ZNF385D: variants seen among roughly 807,000 people sequenced by gnomAD.
ZNF385D encodes zinc finger protein 385D.
ZNF385D carries 15 observed loss-of-function variants against 35.8 expected under a neutral mutation model. The observed-to-expected ratio is 0.42, with a 90% CI of 0.28 to 0.64. The LOEUF is 0.64. Ranked by LOEUF, ZNF385D falls within the 30% of genes least tolerant of loss-of-function variation. ZNF385D has a pLI of 0.23. For synonymous variants in ZNF385D, 212 were observed against 186.8 expected, an observed-to-expected ratio of 1.13 and a Z score of -1.10; for missense variants, 474 against 494.6, an observed-to-expected ratio of 0.96 and a Z score of 0.39.
intron 2 of ZNF385D, among the ~76,000 whole-genome samples, chr3:22,313,410 A>T (rs544737530): frequency 2.3e-3 from 345 of 152,256 alleles, no homozygotes; most frequent in South Asian, 9.3e-3. Flanking sequence ...AATAAAATTT[A>T]AAAAAAGATG....
chr3:21,813,665 A>G (rs2073028992), intron 3 of ZNF385D, among the ~76,000 whole-genome samples: 1 of 151,914 alleles, frequency 6.6e-6, no homozygotes, highest in Non-Finnish European at 1.5e-5. Flanking sequence ...AAGAGTAAAA[A>G]GAAATGAACA....
intron 1 of ZNF385D, among the ~76,000 whole-genome samples, chr3:21,741,997 C>G (rs2069537997): frequency 6.6e-6 from 1 of 152,198 alleles, no homozygotes; most frequent in Non-Finnish European, 1.5e-5. Flanking sequence ...CCTCAATGTC[C>G]TCAGAAATCT....
At chr3:22,109,549 T>C (rs1266238507) in intron 3 of ZNF385D, among the ~76,000 whole-genome samples, 1 of 152,118 alleles carries the variant, frequency 6.6e-6, no homozygotes, top group Admixed American at 6.6e-5. Flanking sequence ...CTGAGGCAAA[T>C]AGGGTTTTTC....
intron 3 of ZNF385D, among the ~76,000 whole-genome samples, chr3:21,938,203 T>C (rs1701352335): frequency 6.6e-6 from 1 of 152,232 alleles, no homozygotes; most frequent in Admixed American, 6.5e-5. Flanking sequence ...TTCTAATACC[T>C]AAGTAGGTTT....
intron 2 of ZNF385D, among the ~76,000 whole-genome samples, chr3:21,587,724 C>G (rs4143426): frequency 0.058 from 8,869 of 152,070 alleles, 528 homozygotes; most frequent in African/African-American, 0.15. Context: ...TGATATGTAA[C>G]AGACTTTGAG....
At chr3:22,028,643 AC>A (rs746206522) in intron 3 of ZNF385D, among the ~76,000 whole-genome samples, 3 of 152,166 alleles carry the variant, frequency 2.0e-5, no homozygotes, top group Non-Finnish European at 4.4e-5. Context: ...TTCTGCCAAG[AC>A]TACCATCTGT....
chr3:21,773,184 A>G (rs572080606), intron 3 of ZNF385D, among the ~76,000 whole-genome samples: 1 of 152,064 alleles, frequency 6.6e-6, no homozygotes, highest in South Asian at 2.1e-4. Flanking sequence ...CTGTACAGTG[A>G]AAAGTGGTTA....
intron 3 of ZNF385D, among the ~76,000 whole-genome samples, chr3:22,014,338 G>C (rs1185981534): frequency 6.6e-6 from 1 of 152,116 alleles, no homozygotes; most frequent in African/African-American, 2.4e-5. Flanking sequence ...ACAGGATGCA[G>C]AGTATTAATA....
intron 3 of ZNF385D, among the ~76,000 whole-genome samples, chr3:22,127,518 T>A (rs1383777394): frequency 6.6e-6 from 1 of 151,692 alleles, no homozygotes; most frequent in Non-Finnish European, 1.5e-5. Context: ...TTTTGTACTT[T>A]TAGTAGAGAT....
intron 3 of ZNF385D, among the ~76,000 whole-genome samples, chr3:21,788,518 A>G (rs1187531299): frequency 1.3e-5 from 2 of 152,216 alleles, no homozygotes; most frequent in Non-Finnish European, 2.9e-5. Flanking sequence ...GTCTTTAATC[A>G]GAAATTTTGT....
intron 3 of ZNF385D, among the ~76,000 whole-genome samples, chr3:21,777,341 C>T (rs2071327930): frequency 6.6e-6 from 1 of 151,944 alleles, no homozygotes; most frequent in South Asian, 2.1e-4. Context: ...AGCCTTTCCT[C>T]TACTCCACAT....
chr3:21,983,505 T>C (rs71312004), intron 3 of ZNF385D, among the ~76,000 whole-genome samples: 14,394 of 132,694 alleles, frequency 0.11, 703 homozygotes, highest in Middle Eastern at 0.2. Flanking sequence ...CATCATTTTT[T>C]ATGGCTGCAT....
At chr3:22,119,432 T>C (rs192935200) in intron 3 of ZNF385D, among the ~76,000 whole-genome samples, 1 of 152,142 alleles carries the variant, frequency 6.6e-6, no homozygotes, top group Non-Finnish European at 1.5e-5. Context: ...ACATAATTTG[T>C]TGGGGGGAAT....
At chr3:21,688,054 T>C (rs1268098579) in intron 1 of ZNF385D, among the ~76,000 whole-genome samples, 2 of 152,062 alleles carry the variant, frequency 1.3e-5, no homozygotes, top group South Asian at 2.1e-4. Context: ...CCAGAAAATT[T>C]TTTTTAAACA....
chr3:21,584,558 AT>A (rs917824247), intron 2 of ZNF385D, among the ~76,000 whole-genome samples: 9 of 150,426 alleles, frequency 6.0e-5, no homozygotes, highest in Admixed American at 3.4e-4. Context: ...TCAAAAGGGA[AT>A]TTTTTAGCTT....
chr3:22,293,503 T>C (rs909092669), intron 2 of ZNF385D, among the ~76,000 whole-genome samples: 3 of 152,102 alleles, frequency 2.0e-5, no homozygotes, highest in South Asian at 2.1e-4. Context: ...CTAGCAATAC[T>C]CTCCTTACAA....
chr3:21,882,300 G>C (rs1486611049), intron 3 of ZNF385D, among the ~76,000 whole-genome samples: 1 of 151,930 alleles, frequency 6.6e-6, no homozygotes, highest in Non-Finnish European at 1.5e-5. Flanking sequence ...CCACCATCCT[G>C]TTCAGCCAGC....
intron 5 of ZNF385D, among the ~76,000 whole-genome samples, chr3:21,435,779 G>T (rs1701522343): frequency 6.6e-6 from 1 of 152,114 alleles, no homozygotes; most frequent in Non-Finnish European, 1.5e-5. Context: ...AAATCTGCAA[G>T]GTATAGATTC....
At chr3:21,454,107 A>G (rs1277047777) in intron 4 of ZNF385D, among the ~76,000 whole-genome samples, 1 of 152,112 alleles carries the variant, frequency 6.6e-6, no homozygotes, top group Non-Finnish European at 1.5e-5. Context: ...AAAATACCAC[A>G]CGTTGTATGA....
Sources: gnomAD v4.1 joint callset for allele counts (sites outside exome capture counted in the v4.1 genomes callset) on GRCh38, gnomAD v4.1.1 for gene constraint, MANE v1.5 for transcripts, NCBI Gene and HGNC (gene_info 2026-07-23, HGNC 2026-07-21) for gene names.